The following PPARD variants were observed in gnomAD, a reference collection of about 807,000 sequenced individuals.
PPARD encodes peroxisome proliferator-activated receptor delta.
Under a neutral mutation model 39.5 loss-of-function variants are expected in PPARD, and 6 were observed. The observed-to-expected ratio is 0.15, with a 90% CI of 0.08 to 0.30. PPARD has a LOEUF of 0.30. Ranked by LOEUF, PPARD falls within the 10% of genes least tolerant of loss-of-function variation. The pLI, the probability that PPARD is intolerant of heterozygous loss-of-function variation, is 1.00. For missense variants in PPARD, 397 were observed against 596.8 expected, an observed-to-expected ratio of 0.67 and a Z score of 3.49; for synonymous variants, 210 against 231.3, an observed-to-expected ratio of 0.91 and a Z score of 0.83.
chr6:35,346,125 C>T (rs893140241), intron 1 of PPARD, among the ~76,000 whole-genome samples: 3 of 152,010 alleles, frequency 2.0e-5, no homozygotes, highest in East Asian at 1.9e-4. Context: ...GTGATCTGCC[C>T]GCCTCAGCCT....
chr6:35,425,871 T>A lies in PPARD; in HGVS notation c.1118T>A (p.Ile373Asn). 1.9e-6 allele frequency: 3 copies of A among 1,614,030 alleles called. No individual in the cohort carries two copies. The highest frequency in any genetic ancestry group is 2.5e-6 in the Non-Finnish European group (3 of 1,179,992). Residue 373 changes from isoleucine to asparagine, a missense_variant, in exon 8 of 8, where the codon ATC (isoleucine) becomes AAC (asparagine). Transcript: ENST00000360694. The surrounding 1 kb of genome is among the most constrained non-coding windows in gnomAD (Gnocchi z 4.5). ...GLMNVPRVEA[I>N]QDTILRALEF... Reference sequence around the variant, plus strand: ...ATGAACGTTCCACGGGTGGAGGCTATCCAGGACACCATCCTGCGTGCCCTC... The same window carrying A: ...ATGAACGTTCCACGGGTGGAGGCTAACCAGGACACCATCCTGCGTGCCCTC...
At chr6:35,364,417 T>C (rs957722409) in intron 2 of PPARD, among the ~76,000 whole-genome samples, 2 of 151,620 alleles carry the variant, frequency 1.3e-5, no homozygotes, top group Non-Finnish European at 2.9e-5. Context: ...GGTCATATAG[T>C]ATTCCATGTT....
intron 2 of PPARD, among the ~76,000 whole-genome samples, chr6:35,405,598 A>G (rs1764993690): frequency 6.7e-6 from 1 of 149,252 alleles, no homozygotes; most frequent in Non-Finnish European, 1.5e-5. Flanking sequence ...TTTTGCCGGC[A>G]TACAAATTAA....
intron 2 of PPARD, among the ~76,000 whole-genome samples, chr6:35,359,612 G>A (rs1289800552): frequency 6.6e-6 from 1 of 151,934 alleles, no homozygotes; most frequent in Non-Finnish European, 1.5e-5. Context: ...ACCCCTCTTG[G>A]TCTCCCCAGT....
Position 35,363,837 on chromosome 6 carries a change from T to G in PPARD, c.-102+16687T>G, listed in dbSNP as rs1762047822. 6.6e-6 allele frequency among the ~76,000 whole-genome samples: 1 copy of G among 152,014 alleles called. No individual in the cohort carries two copies. The highest frequency in any genetic ancestry group is 2.4e-5 in the African/African-American group (1 of 41,384). On this transcript the variant is annotated intron_variant, in intron 2 of 7. Coordinates refer to ENST00000360694, the MANE Select transcript of PPARD (RefSeq NM_006238.5). This position sits in a 1 kb window ranked among gnomAD's most constrained non-coding sequence, Gnocchi z 4.5. ...TCTACATATTTTTATAGCATAAAAT[T>G]AAGATATAGTTCACATAACCAAATT...
chr6:35,375,932 A>G (rs1163830832), intron 2 of PPARD, among the ~76,000 whole-genome samples: 1 of 152,220 alleles, frequency 6.6e-6, no homozygotes, highest in Non-Finnish European at 1.5e-5. Flanking sequence ...ATTAGAGGAA[A>G]TAGTACAATG....
chr6:35,368,186 T>G (rs1762302438), intron 2 of PPARD, among the ~76,000 whole-genome samples: 1 of 152,230 alleles, frequency 6.6e-6, no homozygotes, highest in Non-Finnish European at 1.5e-5. Context: ...GCATCCAAGA[T>G]CACTGTGTCT....
At chr6:35,415,778 C>CTGTGTGTGTGTGTGTGTGTGTGTG (rs369825175) in intron 3 of PPARD, among the ~76,000 whole-genome samples, 6,034 of 143,636 alleles carry the variant, frequency 0.042, 243 homozygotes, top group African/African-American at 0.092. Context: ...GAAGGAGAAC[C>CTGTGTGTGTGTGTGTGTGTGTGTG]TGTGTGTGTG....
chr6:35,391,247 AT>A (rs943348872), intron 2 of PPARD, among the ~76,000 whole-genome samples: 2 of 152,242 alleles, frequency 1.3e-5, no homozygotes, highest in African/African-American at 2.4e-5. Context: ...CATATTTAAT[AT>A]TTAAAAGTTA....
At chr6:35,350,612 CTTTTTT>C (rs959545502) in intron 2 of PPARD, among the ~76,000 whole-genome samples, 4 of 104,592 alleles carry the variant, frequency 3.8e-5, no homozygotes, top group Non-Finnish European at 5.6e-5. Context: ...GTCTATGTGT[CTTTTTT>C]TTTTTTTTTT....
chr6:35,400,598 G>A (rs894935891), intron 2 of PPARD, among the ~76,000 whole-genome samples: 6 of 152,002 alleles, frequency 3.9e-5, no homozygotes, highest in Non-Finnish European at 7.4e-5. Flanking sequence ...CCAGGAGTTC[G>A]AGACCAGCCT....
chr6:35,397,452 C>A, intron 2 of PPARD: 1 of 834,780 alleles, frequency 1.2e-6, no homozygotes, highest in Non-Finnish European at 1.4e-6. Flanking sequence ...CTCTCCACCA[C>A]ATTTCTACCA....
intron 2 of PPARD, among the ~76,000 whole-genome samples, chr6:35,370,811 G>GA (rs1047213525): frequency 4.6e-5 from 7 of 151,086 alleles, no homozygotes; most frequent in African/African-American, 7.3e-5. Flanking sequence ...GTTGGGATTG[G>GA]AAAAAAAAAG....
intron 2 of PPARD, among the ~76,000 whole-genome samples, chr6:35,384,103 C>T (rs1399312010): frequency 1.3e-5 from 2 of 148,340 alleles, no homozygotes; most frequent in Non-Finnish European, 3.0e-5. Context: ...GTCAGCCTCC[C>T]GCCCGGCCAG....
chr6:35,412,577 A>G lies in PPARD; in HGVS notation c.130+1360A>G, dbSNP rs1765500767. Among the ~76,000 whole-genome samples the G allele has an allele frequency of 6.6e-6, 1 of 152,170 alleles. No homozygotes were observed. The highest frequency in any genetic ancestry group is 1.5e-5 in the Non-Finnish European group (1 of 68,026). On this transcript the variant is annotated intron_variant, in intron 3 of 7. Coordinates refer to ENST00000360694, the MANE Select transcript of PPARD (RefSeq NM_006238.5). The surrounding 1 kb of genome is among the most constrained non-coding windows in gnomAD (Gnocchi z 4.1). Reference sequence around the variant, plus strand: ...GGGTCTGCAGCTAAGATGGGTCTGAATCCTGGAGCCACACCACCTTGAACC... The same window carrying G: ...GGGTCTGCAGCTAAGATGGGTCTGAGTCCTGGAGCCACACCACCTTGAACC...
chr6:35,376,491 T>G (rs112429807), intron 2 of PPARD, among the ~76,000 whole-genome samples: 29 of 152,196 alleles, frequency 1.9e-4, no homozygotes, highest in African/African-American at 7.0e-4. Context: ...TTGTGTGGTT[T>G]GTAACTTTGG....
rs2150787985 is a variant in PPARD at position 35,412,683 on chromosome 6, T to C, written c.130+1466T>C. On this transcript the variant is annotated intron_variant, in intron 3 of 7. Coordinates refer to ENST00000360694, the MANE Select transcript of PPARD (RefSeq NM_006238.5). This position sits in a 1 kb window ranked among gnomAD's most constrained non-coding sequence, Gnocchi z 4.1. Reference sequence around the variant, plus strand: ...GGGTGGAGGGAGTATAGAGCCATCATTCAGTCCTTCTCATCTCACCCAGGA... The same window carrying C: ...GGGTGGAGGGAGTATAGAGCCATCACTCAGTCCTTCTCATCTCACCCAGGA... 6.6e-6 allele frequency among the ~76,000 whole-genome samples: 1 copy of C among 152,276 alleles called. No individual in the cohort carries two copies. Among genetic ancestry groups the C allele is most frequent in the South Asian group, 2.1e-4 (1 of 4,828 alleles).
At position 35,425,149 on chromosome 6, in the gene PPARD, C is replaced by T; in HGVS notation, c.1078+370C>T. The T allele has an allele frequency of 1.3e-6, 1 of 773,052 alleles. No homozygotes were observed. The highest frequency in any genetic ancestry group is 1.6e-6 in the Non-Finnish European group (1 of 614,592). The allele number at this position is 773,052 out of a possible 1,614,324, so 47.9% of individuals were successfully genotyped here. A position where few individuals can be genotyped will look rare whatever the true frequency, so the allele number is the denominator to read the frequency against. Reference sequence around the variant, plus strand: ...ATTAGCCAGATGTGGTGGCACGCGCCTGTAATCCCAGCTACTTGGGAGGCT... The same window carrying T: ...ATTAGCCAGATGTGGTGGCACGCGCTTGTAATCCCAGCTACTTGGGAGGCT... On this transcript the variant is annotated intron_variant, in intron 7 of 7. Transcript: ENST00000360694. This position sits in a 1 kb window ranked among gnomAD's most constrained non-coding sequence, Gnocchi z 4.5.
chr6:35,391,922 C>G (rs1764025258), intron 2 of PPARD, among the ~76,000 whole-genome samples: 1 of 151,942 alleles, frequency 6.6e-6, no homozygotes, highest in Admixed American at 6.5e-5. Flanking sequence ...TGCCCTTGTC[C>G]TTATGCCAAG....
Sources: allele counts gnomAD v4.1 joint callset (sites outside exome capture counted in the v4.1 genomes callset), GRCh38; gene constraint gnomAD v4.1.1; non-coding constraint Gnocchi (gnomAD v3.1); transcripts MANE v1.5; gene names NCBI Gene and HGNC (gene_info 2026-07-23, HGNC 2026-07-21).